Variants in ARHGAP18 observed in about 807,000 individuals in gnomAD.
ARHGAP18 encodes the protein Rho GTPase activating protein 18, also known as rho GTPase-activating protein 18.
ARHGAP18 carries 67 observed loss-of-function variants against 86.2 expected under a neutral mutation model. The ratio of observed to expected loss-of-function variants is 0.78; its 90% CI spans 0.64 to 0.95. The LOEUF is 0.95. Among genes scored for constraint, ARHGAP18 ranks in the 40% least tolerant of loss-of-function variants. The pLI is 0.00. For missense variants in ARHGAP18, 691 were observed against 780.4 expected (o/e 0.89, Z 1.37); for synonymous variants, 283 against 280.4 (o/e 1.01, Z -0.09).
intron 13 of ARHGAP18, among the ~76,000 whole-genome samples, chr6:129,581,043 T>C (rs1198328520): frequency 1.3e-5 from 2 of 152,212 alleles, no homozygotes; most frequent in Non-Finnish European, 2.9e-5. Context: ...CAGATTTAAC[T>C]GGTCTAGGAT....
At chr6:129,621,562 T>C (rs2114473997) in intron 5 of ARHGAP18, among the ~76,000 whole-genome samples, 1 of 152,296 alleles carries the variant, frequency 6.6e-6, no homozygotes, top group African/African-American at 2.4e-5. Flanking sequence ...GCAAACAATG[T>C]CCCCTTCTGT....
intron 1 of ARHGAP18, among the ~76,000 whole-genome samples, chr6:129,672,952 G>A (rs1774165040): frequency 6.6e-6 from 1 of 152,146 alleles, no homozygotes; most frequent in African/African-American, 2.4e-5. Flanking sequence ...TACAGATGGA[G>A]AAACTGGAAC....
At chr6:129,585,755 C>T (rs368469675) in intron 12 of ARHGAP18, among the ~76,000 whole-genome samples, 2 of 152,186 alleles carry the variant, frequency 1.3e-5, no homozygotes, top group East Asian at 3.8e-4. Flanking sequence ...TTGGTCATAG[C>T]ATCCTCCTCT....
chr6:129,625,692 T>TATTA (rs1789416431), intron 5 of ARHGAP18, among the ~76,000 whole-genome samples: 2 of 44,236 alleles, frequency 4.5e-5, no homozygotes, highest in African/African-American at 1.7e-4. Context: ...TATTTATATA[T>TATTA]TATATATTTA....
intron 13 of ARHGAP18, 134 bp from the exon 14 acceptor site, chr6:129,580,265 G>A (rs968916805): frequency 2.9e-5 from 20 of 691,538 alleles, no homozygotes; most frequent in Non-Finnish European, 3.2e-5. Context: ...CTACACGTTT[G>A]TATTTTCCCA....
At chr6:129,621,184 C>T (rs1789221583) in intron 5 of ARHGAP18, among the ~76,000 whole-genome samples, 1 of 151,720 alleles carries the variant, frequency 6.6e-6, no homozygotes, top group South Asian at 2.1e-4. Flanking sequence ...TTTTTGAGGC[C>T]CTTAATAATT....
intron 1 of ARHGAP18, among the ~76,000 whole-genome samples, chr6:129,669,522 A>C (rs1227106759): frequency 6.7e-6 from 1 of 148,376 alleles, no homozygotes; most frequent in Non-Finnish European, 1.5e-5. Context: ...GCGGTGGCTC[A>C]TGCCTGTAAT....
At chr6:129,594,675 C>T (rs1788581042) in intron 12 of ARHGAP18, among the ~76,000 whole-genome samples, 1 of 152,076 alleles carries the variant, frequency 6.6e-6, no homozygotes, top group East Asian at 1.9e-4. Context: ...TTGCTTGATG[C>T]TAAAGTCACC....
intron 4 of ARHGAP18, 23 bp downstream of exon 4, chr6:129,634,019 A>AC: frequency 6.3e-7 from 1 of 1,578,950 alleles, no homozygotes; most frequent in Non-Finnish European, 8.6e-7. Flanking sequence ...AAAAAAAAAA[A>AC]CAAGAGAACA....
chr6:129,602,997 A>ATATATATATG (rs1169235366), intron 10 of ARHGAP18, among the ~76,000 whole-genome samples: 30 of 150,792 alleles, frequency 2.0e-4, no homozygotes, highest in African/African-American at 7.3e-4. Flanking sequence ...TTATATATAT[A>ATATATATATG]TATATATAAT....
rs77186705 is a variant in ARHGAP18, at chr6:129,651,832, T to C, written c.114-9814A>G. On this transcript the variant is annotated intron_variant, in intron 1 of 14. Transcript: ENST00000368149. ...CTTGCTCTGGCCTAAATGCTACTTATTCCCCACCAAATTCATATACTGAAA... is the reference window on the plus strand; with the variant it reads ...CTTGCTCTGGCCTAAATGCTACTTACTCCCCACCAAATTCATATACTGAAA... Among the ~76,000 whole-genome samples, 222 of 152,308 alleles carry C rather than the reference T, an allele frequency of 1.5e-3. 8 individuals are homozygous for C. In the East Asian group the frequency reaches 0.041, roughly 28 times the overall value.
chr6:129,671,148 A>T (rs1207005702), intron 1 of ARHGAP18, among the ~76,000 whole-genome samples: 1 of 152,218 alleles, frequency 6.6e-6, no homozygotes, highest in African/African-American at 2.4e-5. Context: ...CAAGTAATTT[A>T]TCTATACATA....
intron 1 of ARHGAP18, among the ~76,000 whole-genome samples, chr6:129,668,348 A>G (rs1204158105): frequency 1.4e-5 from 2 of 145,038 alleles, no homozygotes; most frequent in African/African-American, 5.2e-5. Context: ...CAAACCATCA[A>G]TTTACCCAAA....
At chr6:129,694,527 A>G (rs962117037) in intron 1 of ARHGAP18, among the ~76,000 whole-genome samples, 1 of 152,238 alleles carries the variant, frequency 6.6e-6, no homozygotes, top group Non-Finnish European at 1.5e-5. Flanking sequence ...AAAACTTGTA[A>G]CACATCTACC....
chr6:129,586,985 A>T (rs1313446080), intron 12 of ARHGAP18, among the ~76,000 whole-genome samples: 2 of 152,128 alleles, frequency 1.3e-5, no homozygotes, highest in African/African-American at 4.8e-5. Context: ...CTCCTTCATA[A>T]GGGTCCTACT....
intron 1 of ARHGAP18, among the ~76,000 whole-genome samples, chr6:129,687,249 G>A (rs185541767): frequency 5.9e-5 from 9 of 152,126 alleles, no homozygotes; most frequent in East Asian, 1.9e-4. Flanking sequence ...TCTAGTTCAC[G>A]GGTCTCAGAG....
chr6:129,664,131 C>T (rs753158742), intron 1 of ARHGAP18, among the ~76,000 whole-genome samples: 10 of 152,244 alleles, frequency 6.6e-5, no homozygotes, highest in South Asian at 2.1e-4. Context: ...TGCTTTACTG[C>T]GTTAATATTA....
chr6:129,630,125 G>A (rs531222596), intron 4 of ARHGAP18, among the ~76,000 whole-genome samples: 1 of 152,302 alleles, frequency 6.6e-6, no homozygotes, highest in Admixed American at 6.5e-5. Context: ...GTTTGCACCT[G>A]ATCATGTCAA....
At chr6:129,626,747 T>G (rs1789483882) in intron 5 of ARHGAP18, among the ~76,000 whole-genome samples, 1 of 151,444 alleles carries the variant, frequency 6.6e-6, no homozygotes, top group Admixed American at 6.6e-5. Context: ...TTTCTAGTAA[T>G]CATATTGTTG....
Sources: allele counts gnomAD v4.1 joint callset (sites outside exome capture counted in the v4.1 genomes callset), GRCh38; gene constraint gnomAD v4.1.1; transcripts MANE v1.5; gene names NCBI Gene and HGNC (gene_info 2026-07-23, HGNC 2026-07-21).